Variants in PDE4D observed in about 807,000 individuals in gnomAD.
PDE4D encodes 3',5'-cyclic-AMP phosphodiesterase 4D.
A neutral mutation model predicts 87.4 loss-of-function variants in PDE4D; 24 were observed. The ratio of observed to expected loss-of-function variants is 0.27; its 90% CI spans 0.20 to 0.39. PDE4D has a LOEUF of 0.39. Among genes scored for constraint, PDE4D ranks in the 10% least tolerant of loss-of-function variants. PDE4D has a pLI of 1.00. For missense variants in PDE4D, 714 were observed against 1,041.0 expected, an observed-to-expected ratio of 0.69 and a Z score of 4.32; for synonymous variants, 384 against 383.2, an observed-to-expected ratio of 1.00 and a Z score of -0.02.
intron 1 of PDE4D, among the ~76,000 whole-genome samples, chr5:59,576,895 C>T (rs1384016463): frequency 6.6e-6 from 1 of 152,134 alleles, no homozygotes; most frequent in Non-Finnish European, 1.5e-5. Flanking sequence ...GACTCAAATG[C>T]CTTACTTTAG....
intron 1 of PDE4D, among the ~76,000 whole-genome samples, chr5:59,796,411 G>GT (rs1391029812): frequency 6.6e-6 from 1 of 151,652 alleles, no homozygotes; most frequent in Non-Finnish European, 1.5e-5. Context: ...TAACAACACA[G>GT]TTGCAGGTAT....
intron 1 of PDE4D, among the ~76,000 whole-genome samples, chr5:59,322,337 G>C (rs1774867525): frequency 1.3e-5 from 2 of 152,116 alleles, no homozygotes; most frequent in South Asian, 4.1e-4. Flanking sequence ...CACTGCATGA[G>C]ACCAAAGGCA....
chr5:59,687,649 G>A (rs1750119755), intron 1 of PDE4D, among the ~76,000 whole-genome samples: 1 of 152,110 alleles, frequency 6.6e-6, no homozygotes. Context: ...GCTAGGAAGA[G>A]ACTGCATCAA....
intron 2 of PDE4D, among the ~76,000 whole-genome samples, chr5:60,124,844 C>CCAAGGTCTTCTCAGTGCA (rs1268643589): frequency 6.6e-6 from 1 of 152,080 alleles, no homozygotes; most frequent in Non-Finnish European, 1.5e-5. Context: ...TCAAGATCAT[C>CCAAGGTCTTCTCAGTGCA]CAAGGTCTTC....
intron 1 of PDE4D, among the ~76,000 whole-genome samples, chr5:60,464,373 C>T (rs146539270): frequency 1.5e-3 from 228 of 152,232 alleles, no homozygotes; most frequent in African/African-American, 5.3e-3. Context: ...TAGAGAAATG[C>T]TATCAGGTAA....
chr5:59,708,038 T>C (rs148756519), intron 1 of PDE4D, among the ~76,000 whole-genome samples: 1 of 152,256 alleles, frequency 6.6e-6, no homozygotes, highest in East Asian at 1.9e-4. Context: ...CGCCATACAG[T>C]CTTCCATAAT....
Position 59,831,448 on chromosome 5 carries a change from T to C in PDE4D, c.455+61720A>G, listed in dbSNP as rs553146398. 5.3e-5 allele frequency among the ~76,000 whole-genome samples: 8 copies of C among 151,862 alleles called. No individual in the cohort carries two copies. In the East Asian group the frequency reaches 1.4e-3, roughly 26 times the overall value. On this transcript the variant is annotated intron_variant, in intron 1 of 14. Coordinates refer to ENST00000340635, the MANE Select transcript of PDE4D (RefSeq NM_001104631.2). ...TTATTTTTAATAATGATAACAACAA[T>C]GGTAGTTTGTAGTAAATGTTTCAAA...
chr5:59,410,760 A>G (rs1792524309), intron 1 of PDE4D, among the ~76,000 whole-genome samples: 1 of 152,126 alleles, frequency 6.6e-6, no homozygotes, highest in Admixed American at 6.5e-5. Context: ...TGGGACACTT[A>G]GGTTGCTTCC....
chr5:58,994,469 TAC>T (rs746993840), intron 6 of PDE4D, among the ~76,000 whole-genome samples: 13 of 148,848 alleles, frequency 8.7e-5, no homozygotes, highest in Non-Finnish European at 1.5e-4. Flanking sequence ...GTATTTTTTC[TAC>T]ACATAGAGTA....
At chr5:59,861,476 T>TC (rs1433932296) in intron 1 of PDE4D, among the ~76,000 whole-genome samples, 1 of 151,938 alleles carries the variant, frequency 6.6e-6, no homozygotes, top group Non-Finnish European at 1.5e-5. Context: ...TTTCCCCTAT[T>TC]CCCCCCAAAC....
At chr5:59,632,842 C>T (rs1352412448) in intron 1 of PDE4D, among the ~76,000 whole-genome samples, 1 of 152,192 alleles carries the variant, frequency 6.6e-6, no homozygotes, top group Non-Finnish European at 1.5e-5. Context: ...CGAAGGATCA[C>T]AACTCCTCGC....
chr5:59,264,179 T>C (rs982882236), intron 1 of PDE4D, among the ~76,000 whole-genome samples: 6 of 151,996 alleles, frequency 3.9e-5, no homozygotes, highest in Non-Finnish European at 5.9e-5. Flanking sequence ...ATGTCCCTCT[T>C]CTGTCTGGCA....
intron 2 of PDE4D, among the ~76,000 whole-genome samples, chr5:59,200,736 T>TATACATACATATGTGTATGTATAG (rs1561693076): frequency 1.4e-5 from 2 of 147,838 alleles, no homozygotes; most frequent in African/African-American, 5.2e-5. Flanking sequence ...TGTATGTATA[T>TATACATACATATGTGTATGTATAG]ATATACATAC....
intron 5 of PDE4D, among the ~76,000 whole-genome samples, chr5:59,103,178 T>A (rs1329236390): frequency 2.0e-5 from 3 of 152,202 alleles, no homozygotes; most frequent in Non-Finnish European, 4.4e-5. Context: ...TGAGTGTCAG[T>A]GACAGCACCT....
At chr5:59,055,754 A>T (rs1205785930) in intron 5 of PDE4D, among the ~76,000 whole-genome samples, 4 of 152,190 alleles carry the variant, frequency 2.6e-5, no homozygotes, top group African/African-American at 9.6e-5. Flanking sequence ...TTTACCTAGC[A>T]AGGAGCCTTT....
chr5:59,365,702 G>T (rs1470426066), intron 1 of PDE4D, among the ~76,000 whole-genome samples: 1 of 152,096 alleles, frequency 6.6e-6, no homozygotes, highest in African/African-American at 2.4e-5. Flanking sequence ...AGGGCTCCGT[G>T]GCTGGGGGTA....
At chr5:59,973,013 T>C (rs2152819204) in intron 3 of PDE4D, among the ~76,000 whole-genome samples, 2 of 152,270 alleles carry the variant, frequency 1.3e-5, no homozygotes, top group South Asian at 4.1e-4. Context: ...TGGAGAATTC[T>C]GAAAGGCCCA....
At chr5:59,137,596 A>G (rs1171374242) in intron 5 of PDE4D, among the ~76,000 whole-genome samples, 2 of 148,522 alleles carry the variant, frequency 1.3e-5, no homozygotes, top group Admixed American at 1.4e-4. Flanking sequence ...GCGAGATCTC[A>G]GCTCGCTGCA....
intron 1 of PDE4D, among the ~76,000 whole-genome samples, chr5:60,290,673 C>T (rs1027446006): frequency 3.3e-5 from 5 of 151,982 alleles, no homozygotes; most frequent in Non-Finnish European, 5.9e-5. Context: ...TGCATGGTGG[C>T]GCACACCTGT....
Sources: gnomAD v4.1 joint callset for allele counts (sites outside exome capture counted in the v4.1 genomes callset) on GRCh38, gnomAD v4.1.1 for gene constraint, MANE v1.5 for transcripts, NCBI Gene and HGNC (gene_info 2026-07-23, HGNC 2026-07-21) for gene names.